Variants in RNF220 observed in about 807,000 individuals in gnomAD.
RNF220 encodes E3 ubiquitin-protein ligase RNF220.
A neutral mutation model predicts 67.1 loss-of-function variants in RNF220; 7 were observed. That is an observed-to-expected ratio of 0.10 (90% CI 0.06 to 0.20). RNF220 has a LOEUF of 0.20. Ranked by LOEUF, RNF220 falls within the 10% of genes least tolerant of loss-of-function variation. The pLI, the probability that RNF220 is intolerant of heterozygous loss-of-function variation, is 1.00. For synonymous variants in RNF220, 270 were observed against 283.2 expected, an observed-to-expected ratio of 0.95 and a Z score of 0.47; for missense variants, 565 against 740.3, an observed-to-expected ratio of 0.76 and a Z score of 2.75.
chr1:44,458,191 C>T (rs957759296), intron 2 of RNF220, among the ~76,000 whole-genome samples: 8 of 151,790 alleles, frequency 5.3e-5, no homozygotes, highest in Non-Finnish European at 7.4e-5. Flanking sequence ...TGAACCCAGG[C>T]GTTACAGTGA....
intron 8 of RNF220, chr1:44,644,479 G>A (rs1161607137): frequency 5.5e-6 from 3 of 541,882 alleles, no homozygotes; most frequent in African/African-American, 3.8e-5. Context: ...AGACCACTTG[G>A]AGCAGCATGC....
rs968937195 is a variant in RNF220, at chr1:44,412,632, G to A, written c.535G>A (p.Val179Ile). ...ATCTAGCTCCCCCGGTTCACTAAAG[G>A]TTGATGACACTGGGAAGAAGATTTT... ...LPSSSPGSLKVDDTGKKIFAV... is the reference protein window; with the variant it reads ...LPSSSPGSLKIDDTGKKIFAV... Residue 179 changes from valine (V) to isoleucine (I), a missense_variant, in exon 2 of 15, where the codon GTT (valine) becomes ATT (isoleucine). Val to Ile is a conservative substitution (Grantham distance 29, BLOSUM62 3). Coordinates refer to ENST00000361799, the MANE Select transcript of RNF220 (RefSeq NM_018150.4). The surrounding 1 kb of genome is among the most constrained non-coding windows in gnomAD (Gnocchi z 5.3). The A allele has an allele frequency of 1.2e-6, 2 of 1,614,184 alleles. No homozygotes were observed. The highest frequency in any genetic ancestry group is 1.7e-6 in the Non-Finnish European group (2 of 1,180,032).
At chr1:44,448,104 G>T (rs1376751417) in intron 2 of RNF220, among the ~76,000 whole-genome samples, 1 of 152,148 alleles carries the variant, frequency 6.6e-6, no homozygotes, top group African/African-American at 2.4e-5. Context: ...TTTGAGACCA[G>T]CCTGGCCAAC....
intron 2 of RNF220, among the ~76,000 whole-genome samples, chr1:44,536,883 A>AC (rs1661268651): frequency 6.6e-6 from 1 of 152,174 alleles, no homozygotes; most frequent in African/African-American, 2.4e-5. Context: ...TCAGGAGCTA[A>AC]CTGCACGCCG....
intron 2 of RNF220, among the ~76,000 whole-genome samples, chr1:44,432,514 C>G (rs1025062893): frequency 2.0e-5 from 3 of 152,010 alleles, no homozygotes; most frequent in Admixed American, 2.0e-4. Flanking sequence ...AAGTGATCCT[C>G]CTGCCTTGGC....
At chr1:44,422,262 G>A (rs1649306718) in intron 2 of RNF220, among the ~76,000 whole-genome samples, 1 of 152,186 alleles carries the variant, frequency 6.6e-6, no homozygotes, top group Non-Finnish European at 1.5e-5. Flanking sequence ...GGGCAGTGGC[G>A]CATGCTCGGC....
At chr1:44,432,357 A>T (rs1190546804) in intron 2 of RNF220, among the ~76,000 whole-genome samples, 1 of 145,694 alleles carries the variant, frequency 6.9e-6, no homozygotes, top group African/African-American at 2.6e-5. Flanking sequence ...TGCAACCTCC[A>T]CCCCCCAGGT....
In RNF220 at chr1:44,505,952, C is replaced by T. The variant is rs919360531; in HGVS notation, c.625+93230C>T. 6.6e-5 allele frequency among the ~76,000 whole-genome samples: 10 copies of T among 152,276 alleles called. No homozygotes were observed. The East Asian group carries it at 1.7e-3, about 26-fold the overall frequency. ...TCTGGTTGGGAGAATCATTCTCCCCCATCCTTGACACCTCTAGAAGGTAGC... is the reference window on the plus strand; with the variant it reads ...TCTGGTTGGGAGAATCATTCTCCCCTATCCTTGACACCTCTAGAAGGTAGC... On this transcript the variant is annotated intron_variant, in intron 2 of 14. Transcript: ENST00000361799.
intron 2 of RNF220, among the ~76,000 whole-genome samples, chr1:44,441,979 G>A (rs1389986089): frequency 2.0e-5 from 3 of 152,124 alleles, no homozygotes; most frequent in African/African-American, 7.2e-5. Flanking sequence ...ACCCAGCCTA[G>A]AATTATTAGG....
intron 2 of RNF220, among the ~76,000 whole-genome samples, chr1:44,609,440 G>A (rs549513408): frequency 6.6e-6 from 1 of 152,354 alleles, no homozygotes; most frequent in East Asian, 1.9e-4. Flanking sequence ...GCAATCACAC[G>A]GTGGGGAGCT....
rs1667295270 is a variant in RNF220, at chr1:44,606,691, A to G, written c.626-7474A>G. On this transcript the variant is annotated intron_variant, in intron 2 of 14. Coordinates refer to ENST00000361799, the MANE Select transcript of RNF220 (RefSeq NM_018150.4). The surrounding 1 kb of genome is among the most constrained non-coding windows in gnomAD (Gnocchi z 4.2). ...TAACTGTAAACGAAGGTTCTGTTCC[A>G]GACACTCTTCCTAGTGTATTCTCTC... is the stretch of plus-strand genomic sequence containing the variant. 1.3e-5 allele frequency among the ~76,000 whole-genome samples: 2 copies of G among 152,162 alleles called. No individual in the cohort carries two copies. The highest frequency in any genetic ancestry group is 1.3e-4 in the Admixed American group (2 of 15,278).
At chr1:44,530,411 A>G (rs1352896455) in intron 2 of RNF220, among the ~76,000 whole-genome samples, 2 of 152,210 alleles carry the variant, frequency 1.3e-5, no homozygotes, top group African/African-American at 2.4e-5. Flanking sequence ...TCACAAATGC[A>G]GATGTACAAA....
At chr1:44,593,821 G>A (rs1666278464) in intron 2 of RNF220, among the ~76,000 whole-genome samples, 3 of 151,608 alleles carry the variant, frequency 2.0e-5, no homozygotes, top group South Asian at 2.1e-4. Context: ...GGTGGCTCAC[G>A]CCTATAATCC....
chr1:44,420,056 G>C (rs1294043861), intron 2 of RNF220, among the ~76,000 whole-genome samples: 1 of 152,176 alleles, frequency 6.6e-6, no homozygotes, highest in African/African-American at 2.4e-5. Flanking sequence ...ACAGTCAAGT[G>C]ATGTGGAGGT....
chr1:44,633,569 T>A (rs1456585759), intron 6 of RNF220, among the ~76,000 whole-genome samples: 1 of 152,218 alleles, frequency 6.6e-6, no homozygotes, highest in Non-Finnish European at 1.5e-5. Context: ...GCCCAGTCCA[T>A]TGGGGTGCTT....
chr1:44,538,299 C>T lies in RNF220; in HGVS notation c.626-75866C>T, dbSNP rs944616569. 5.3e-5 allele frequency among the ~76,000 whole-genome samples: 8 copies of T among 152,102 alleles called. No individual in the cohort carries two copies. The East Asian group carries it at 5.8e-4, about 11-fold the overall frequency. ...ATTTTCTCTCTTGTCATGTCTTTTC[C>T]GTCTGATTTACCCTATAAATGTTTT... On this transcript the variant is annotated intron_variant, in intron 2 of 14. Transcript: ENST00000361799.
intron 2 of RNF220, among the ~76,000 whole-genome samples, chr1:44,493,383 G>A (rs941136060): frequency 4.6e-5 from 7 of 152,080 alleles, no homozygotes; most frequent in South Asian, 2.1e-4. Context: ...GCATGGTGGC[G>A]GGTGCCTGTA....
At chr1:44,418,171 C>T (rs545349386) in intron 2 of RNF220, among the ~76,000 whole-genome samples, 1 of 151,994 alleles carries the variant, frequency 6.6e-6, no homozygotes, top group Non-Finnish European at 1.5e-5. Context: ...GCGCGGGAGG[C>T]GCTAGTGGGT....
chr1:44,455,117 G>A (rs1653050618), intron 2 of RNF220, among the ~76,000 whole-genome samples: 1 of 152,212 alleles, frequency 6.6e-6, no homozygotes, highest in Non-Finnish European at 1.5e-5. Flanking sequence ...AAATTGCCAA[G>A]CCATTTTCCT....
Sources: gnomAD v4.1 joint callset for allele counts (sites outside exome capture counted in the v4.1 genomes callset) on GRCh38, gnomAD v4.1.1 for gene constraint, Gnocchi (gnomAD v3.1) non-coding constraint, MANE v1.5 for transcripts, NCBI Gene and HGNC (gene_info 2026-07-23, HGNC 2026-07-21) for gene names.